The following MAST2 variants were observed in gnomAD, a reference collection of about 807,000 sequenced individuals.
MAST2 encodes the protein microtubule associated serine/threonine kinase 2.
Under a neutral mutation model 147.4 loss-of-function variants are expected in MAST2, and 70 were observed. The observed-to-expected ratio is 0.47, with a 90% confidence interval of 0.39 to 0.58. The LOEUF (loss-of-function observed/expected upper bound fraction) is 0.58. Among genes scored for constraint, MAST2 ranks in the 20% least tolerant of loss-of-function variants. The pLI is 0.00. For missense variants in MAST2, 2,080 were observed against 2,302.3 expected (o/e 0.90, Z 1.98); for synonymous variants, 869 against 896.8 (o/e 0.97, Z 0.55).
At chr1:45,847,248 C>T (rs564371124) in intron 3 of MAST2, 17 of 514,236 alleles carry the variant, frequency 3.3e-5, no homozygotes, top group Middle Eastern at 3.9e-4. Context: ...CTGTCCCTCC[C>T]GCTCCATCGT....
chr1:45,817,888 T>C (rs1228645818), intron 1 of MAST2, among the ~76,000 whole-genome samples: 4 of 152,146 alleles, frequency 2.6e-5, no homozygotes, highest in African/African-American at 4.8e-5. Flanking sequence ...ACCATTACAA[T>C]CAACACATTT....
At chr1:45,824,238 A>G (rs1437370468) in intron 1 of MAST2, among the ~76,000 whole-genome samples, 195 bp from the exon 2 acceptor site, 1 of 152,192 alleles carries the variant, frequency 6.6e-6, no homozygotes, top group Non-Finnish European at 1.5e-5. Flanking sequence ...CATTTTAATA[A>G]TCAATATCCT....
At chr1:45,914,584 G>A (rs1281844592) in intron 4 of MAST2, among the ~76,000 whole-genome samples, 1 of 152,104 alleles carries the variant, frequency 6.6e-6, no homozygotes, top group Non-Finnish European at 1.5e-5. Context: ...TAACCCACAG[G>A]GCTAAGGGAG....
rs533874986 is a variant in MAST2, at chr1:45,811,913, C to T, written c.177+7841C>T. 6.1e-4 allele frequency among the ~76,000 whole-genome samples: 93 copies of T among 152,142 alleles called. No individual in the cohort carries two copies. The South Asian group carries it at 0.012, about 19-fold the overall frequency. ...CCTCCCAAAGTGCTAGGATTACAGGCGTGAGCCACTGCGCCTGGCCTAATT... is the reference window on the plus strand; with the variant it reads ...CCTCCCAAAGTGCTAGGATTACAGGTGTGAGCCACTGCGCCTGGCCTAATT... On this transcript the variant is annotated intron_variant, in intron 1 of 28. Transcript: ENST00000361297.
intron 4 of MAST2, among the ~76,000 whole-genome samples, chr1:45,937,228 G>T (rs1444427247): frequency 1.6e-5 from 1 of 63,890 alleles, no homozygotes; most frequent in Non-Finnish European, 2.8e-5. Context: ...GCACCACCAT[G>T]GGCAGCTTTT....
chr1:45,803,641 G>T lies in MAST2; in HGVS notation c.-255G>T. Reference sequence around the variant, plus strand: ...GCAGGCGGCTGAGCCGGCGGCGGGTGGCCTGCCCAACGTGTGCTGGGTGGG... The same window carrying T: ...GCAGGCGGCTGAGCCGGCGGCGGGTTGCCTGCCCAACGTGTGCTGGGTGGG... On this transcript the variant is annotated 5_prime_UTR_variant, in exon 1 of 29. Coordinates refer to ENST00000361297, the MANE Select transcript of MAST2 (RefSeq NM_015112.3). The T allele has an allele frequency of 3.8e-6, 1 of 265,144 alleles. No homozygotes were observed. Among genetic ancestry groups the T allele is most frequent in the Non-Finnish European group, 7.0e-6 (1 of 142,132 alleles). 16.4% of individuals were successfully genotyped at this position (265,144 alleles called of 1,614,324 possible). A position where few individuals can be genotyped will look rare whatever the true frequency, so the allele number is the denominator to read the frequency against.
At chr1:45,856,336 A>G (rs1202847416) in intron 3 of MAST2, among the ~76,000 whole-genome samples, 2 of 152,222 alleles carry the variant, frequency 1.3e-5, no homozygotes, top group African/African-American at 4.8e-5. Flanking sequence ...GCAAATATTT[A>G]AATGAATAAA....
intron 3 of MAST2, among the ~76,000 whole-genome samples, chr1:45,877,143 T>G (rs1349284175): frequency 6.6e-6 from 1 of 152,234 alleles, no homozygotes; most frequent in African/African-American, 2.4e-5. Context: ...GTCTGAGAAG[T>G]CCAAGATCAA....
intron 3 of MAST2, among the ~76,000 whole-genome samples, chr1:45,870,009 C>T (rs535109605): frequency 2.6e-5 from 4 of 152,064 alleles, no homozygotes; most frequent in African/African-American, 4.8e-5. Flanking sequence ...CTGCAACCTC[C>T]GCCTCCTGGG....
intron 4 of MAST2, among the ~76,000 whole-genome samples, chr1:45,938,373 G>T (rs1223117708): frequency 6.6e-6 from 1 of 152,148 alleles, no homozygotes; most frequent in Non-Finnish European, 1.5e-5. Flanking sequence ...ATCCAGGTTG[G>T]AGTGTGGTGG....
At chr1:45,918,350 C>G in intron 4 of MAST2, among the ~76,000 whole-genome samples, 1 of 152,180 alleles carries the variant, frequency 6.6e-6, no homozygotes, top group Non-Finnish European at 1.5e-5. Context: ...ATTCTTTGTG[C>G]AACAGAGTCC....
rs1182046330 is a variant in MAST2, at chr1:45,811,336, G to GTTT, written c.177+7265_177+7266insTTT. 3.6e-5 allele frequency among the ~76,000 whole-genome samples: 3 copies of GTTT among 84,024 alleles called. No individual in the cohort carries two copies. The East Asian group carries it at 1.1e-3, about 31-fold the overall frequency. 55.1% of individuals were successfully genotyped at this position (84,024 alleles called of 152,430 possible). On this transcript the variant is annotated intron_variant, in intron 1 of 28. Transcript: ENST00000361297. ...ACGCCCAGCTAATTTTTGTATTTTT[G>GTTT]TATTTTTTTTTTTTTTTTTTGAGAC...
intron 4 of MAST2, among the ~76,000 whole-genome samples, chr1:45,957,280 A>T (rs540405940): frequency 6.6e-6 from 1 of 152,124 alleles, no homozygotes. Context: ...CATTATATGG[A>T]TATACTGTGA....
At chr1:45,944,177 A>T (rs1657716901) in intron 4 of MAST2, among the ~76,000 whole-genome samples, 1 of 152,216 alleles carries the variant, frequency 6.6e-6, no homozygotes, top group Non-Finnish European at 1.5e-5. Flanking sequence ...TACTGCCATC[A>T]TATTCTCCTA....
At chr1:45,961,849 G>A (rs1370219575) in intron 5 of MAST2, among the ~76,000 whole-genome samples, 1 of 151,990 alleles carries the variant, frequency 6.6e-6, no homozygotes, top group Non-Finnish European at 1.5e-5. Flanking sequence ...GTATAGATGT[G>A]CCATGTTGGT....
intron 3 of MAST2, chr1:45,847,267 T>C: frequency 2.0e-6 from 1 of 511,272 alleles, no homozygotes; most frequent in South Asian, 1.5e-5. Context: ...GTCTGCTTGA[T>C]GATGGTGTCC....
In MAST2 at chr1:45,959,779, A is replaced by G. The variant is rs1400987703; in HGVS notation, c.592+302A>G. 5.9e-5 allele frequency among the ~76,000 whole-genome samples: 9 copies of G among 152,072 alleles called. No individual in the cohort carries two copies. The East Asian group carries it at 1.5e-3, about 26-fold the overall frequency. ...GTGTGTTCTAGTGTGTTACAGCTCCATTCGTCTTGGGTCATTTGATGAGGA... is the reference window on the plus strand; with the variant it reads ...GTGTGTTCTAGTGTGTTACAGCTCCGTTCGTCTTGGGTCATTTGATGAGGA... On this transcript the variant is annotated intron_variant, in intron 5 of 28. Transcript: ENST00000361297.
intron 15 of MAST2, 53 bp from the exon 16 acceptor site, chr1:46,025,624 A>G: frequency 6.2e-7 from 1 of 1,610,282 alleles, no homozygotes; most frequent in Non-Finnish European, 8.5e-7. Context: ...GGAGCTGGCT[A>G]GCTAGAGCAG....
intron 1 of MAST2, among the ~76,000 whole-genome samples, chr1:45,806,273 T>A (rs1317836199): frequency 1.3e-5 from 2 of 152,278 alleles, no homozygotes; most frequent in African/African-American, 4.8e-5. Context: ...TAGTGTGTAC[T>A]GTTTTGTGAC....
Sources: gnomAD v4.1 joint callset for allele counts (sites outside exome capture counted in the v4.1 genomes callset) on GRCh38, gnomAD v4.1.1 for gene constraint, MANE v1.5 for transcripts, NCBI Gene and HGNC (gene_info 2026-07-23, HGNC 2026-07-21) for gene names.